Variants in JPH3 observed in about 807,000 individuals in gnomAD.
JPH3 encodes the protein junctophilin-3.
Under a neutral mutation model 59.6 loss-of-function variants are expected in JPH3, and 11 were observed. That is an observed-to-expected ratio of 0.18 (90% CI 0.12 to 0.31). JPH3 has a LOEUF of 0.31. JPH3 is among the 10% of genes least tolerant of loss of function. The probability of loss-of-function intolerance (pLI) is 1.00; values close to 1 mark genes in which losing one functional copy is unlikely to be tolerated. For missense variants in JPH3, 1,202 were observed against 1,105.7 expected (o/e 1.09, Z -1.24); for synonymous variants, 673 against 483.6 (o/e 1.39, Z -5.14).
chr16:87,630,714 G>T (rs2031539161), intron 1 of JPH3, among the ~76,000 whole-genome samples: 1 of 152,138 alleles, frequency 6.6e-6, no homozygotes, highest in Non-Finnish European at 1.5e-5. Flanking sequence ...AAAATCATGT[G>T]TGTCTTCAGA....
chr16:87,693,900 C>G (rs1160271559), intron 4 of JPH3: 1 of 152,258 alleles, frequency 6.6e-6, no homozygotes, highest in Non-Finnish European at 1.5e-5. Context: ...ATCCCCAAAT[C>G]CAAATGGAAA....
At chr16:87,636,280 C>T (rs1009685720) in intron 1 of JPH3, among the ~76,000 whole-genome samples, 1 of 152,236 alleles carries the variant, frequency 6.6e-6, no homozygotes, top group African/African-American at 2.4e-5. Context: ...CCGTTCAGCT[C>T]AGTTGCCCTC....
At chr16:87,696,536 C>T (rs1184074793) in intron 4 of JPH3, 44 bp from the exon 5 acceptor site, 5 of 1,539,566 alleles carry the variant, frequency 3.2e-6, no homozygotes, top group Middle Eastern at 1.9e-4. Flanking sequence ...CCAGGCAGAG[C>T]CCCCCGCAGC....
intron 1 of JPH3, among the ~76,000 whole-genome samples, chr16:87,616,802 T>C (rs898562003): frequency 2.9e-4 from 44 of 152,224 alleles, no homozygotes; most frequent in Admixed American, 2.7e-3. Context: ...CTCTGAGCTG[T>C]TCTCCATTCC....
chr16:87,634,046 G>A lies in JPH3; in HGVS notation c.383-10212G>A, dbSNP rs532323671. 5.9e-5 allele frequency among the ~76,000 whole-genome samples: 9 copies of A among 152,214 alleles called. No homozygotes were observed. The East Asian group carries it at 1.4e-3, about 23-fold the overall frequency. On this transcript the variant is annotated intron_variant, in intron 1 of 4. Coordinates refer to ENST00000284262, the MANE Select transcript of JPH3 (RefSeq NM_020655.4). ...CTTGTAATTTATGTGCTTGTGAAACGGCCGTGCAATGAATGGGGCTCCGTG... is the reference window on the plus strand; with the variant it reads ...CTTGTAATTTATGTGCTTGTGAAACAGCCGTGCAATGAATGGGGCTCCGTG...
At chr16:87,695,493 T>A in intron 4 of JPH3, 1 of 455,476 alleles carries the variant, frequency 2.2e-6, no homozygotes, top group Non-Finnish European at 4.4e-6. Context: ...CAGTGGGGTC[T>A]ACATCTCCTT....
At chr16:87,646,693 T>C (rs1435698199) in intron 2 of JPH3, among the ~76,000 whole-genome samples, 1 of 152,164 alleles carries the variant, frequency 6.6e-6, no homozygotes, top group East Asian at 1.9e-4. Flanking sequence ...TTGACCCTAG[T>C]GGACAAGAAG....
chr16:87,668,596 G>C (rs569639391), intron 2 of JPH3, among the ~76,000 whole-genome samples: 1 of 152,292 alleles, frequency 6.6e-6, no homozygotes, highest in Non-Finnish European at 1.5e-5. Flanking sequence ...GGTCCGGTGG[G>C]AATTAAATGA....
rs1597309724 is a variant in JPH3 at position 87,696,796 on chromosome 16, C to T, written c.*136C>T. ...CAAGTCCTCTCACAGAAGAACCACA[C>T]GATTGGGTATCACTCACAGTTTGCC... On this transcript the variant is annotated 3_prime_UTR_variant, in exon 5 of 5. Transcript: ENST00000284262. 7.1e-6 allele frequency: 5 copies of T among 707,678 alleles called. No individual in the cohort carries two copies. Among genetic ancestry groups the T allele is most frequent in the South Asian group, 6.4e-5 (4 of 62,496 alleles). The allele number at this position is 707,678 out of a possible 1,614,324, so 43.8% of individuals were successfully genotyped here.
intron 1 of JPH3, among the ~76,000 whole-genome samples, chr16:87,640,216 C>G (rs913170098): frequency 6.6e-6 from 1 of 151,680 alleles, no homozygotes; most frequent in Non-Finnish European, 1.5e-5. Context: ...GTAGTCCCAG[C>G]TACTCAGGAG....
chr16:87,695,410 G>T, intron 4 of JPH3: 1 of 456,162 alleles, frequency 2.2e-6, no homozygotes. Flanking sequence ...TGGTCCATCT[G>T]TGTCGCACAG....
In JPH3 at chr16:87,688,867, A is replaced by G. The variant is rs574814408; in HGVS notation, c.1286-779A>G. 1.3e-4 allele frequency among the ~76,000 whole-genome samples: 20 copies of G among 152,192 alleles called. No homozygotes were observed. The East Asian group carries it at 3.5e-3, about 26-fold the overall frequency. On this transcript the variant is annotated intron_variant, in intron 3 of 4. Coordinates refer to ENST00000284262, the MANE Select transcript of JPH3 (RefSeq NM_020655.4). ...TGTCCCTGCGTTGGCAGGAAATGAGATCCCAGTCAATGTTCTTGGTTCTCA... is the reference window on the plus strand; with the variant it reads ...TGTCCCTGCGTTGGCAGGAAATGAGGTCCCAGTCAATGTTCTTGGTTCTCA...
intron 2 of JPH3, among the ~76,000 whole-genome samples, chr16:87,652,797 C>G (rs529558673): frequency 6.6e-6 from 1 of 152,320 alleles, no homozygotes; most frequent in East Asian, 1.9e-4. Flanking sequence ...AGCTGATGTC[C>G]CTGTCTGTGA....
At chr16:87,695,133 C>G (rs963455821) in intron 4 of JPH3, 2 of 360,922 alleles carry the variant, frequency 5.5e-6, no homozygotes. Flanking sequence ...GGAGAGGAGC[C>G]AGCAGCAGCT....
At chr16:87,653,401 C>G (rs1414318626) in intron 2 of JPH3, among the ~76,000 whole-genome samples, 2 of 152,122 alleles carry the variant, frequency 1.3e-5, no homozygotes, top group African/African-American at 2.4e-5. Context: ...CCCTGCTGGC[C>G]ATGCCTGGAG....
chr16:87,683,181 C>T (rs925359997), intron 2 of JPH3, among the ~76,000 whole-genome samples: 2 of 152,228 alleles, frequency 1.3e-5, no homozygotes, highest in Non-Finnish European at 2.9e-5. Context: ...CAACCCACAC[C>T]GGGGCAGTGG....
chr16:87,677,027 C>T (rs562955634), intron 2 of JPH3, among the ~76,000 whole-genome samples: 15 of 150,702 alleles, frequency 1.0e-4, no homozygotes, highest in East Asian at 3.9e-4. Context: ...GGCGTGGTGG[C>T]GGGCGCCTGT....
intron 1 of JPH3, among the ~76,000 whole-genome samples, chr16:87,614,490 G>A (rs538030615): frequency 1.8e-4 from 27 of 149,386 alleles, no homozygotes; most frequent in African/African-American, 5.2e-4. Flanking sequence ...ACGAGGGTCC[G>A]CGCGTCCCCC....
intron 2 of JPH3, among the ~76,000 whole-genome samples, chr16:87,657,555 A>G (rs2032546004): frequency 6.6e-6 from 1 of 152,208 alleles, no homozygotes; most frequent in South Asian, 2.1e-4. Context: ...GTTTTATGTT[A>G]TATTAAAAAA....
Sources: allele counts gnomAD v4.1 joint callset (sites outside exome capture counted in the v4.1 genomes callset), GRCh38; gene constraint gnomAD v4.1.1; transcripts MANE v1.5; gene names NCBI Gene and HGNC (gene_info 2026-07-23, HGNC 2026-07-21).